CDCA4: variants seen among roughly 807,000 people sequenced by gnomAD.
CDCA4 encodes the protein cell division cycle-associated protein 4.
For missense variants in CDCA4, 294 were observed against 322.1 expected, an observed-to-expected ratio of 0.91 and a Z score of 0.67; for synonymous variants, 130 against 137.0, an observed-to-expected ratio of 0.95 and a Z score of 0.36.
At chr14:105,014,181 G>T (rs1030245279) in intron 1 of CDCA4, among the ~76,000 whole-genome samples, 1 of 151,982 alleles carries the variant, frequency 6.6e-6, no homozygotes, top group Non-Finnish European at 1.5e-5. Context: ...TTGGGGGTGA[G>T]GGCCCTTCTG....
chr14:105,011,209 T>G lies in CDCA4; in HGVS notation c.721A>C (p.Thr241Pro). ...LDHVVEILVE[T>P] ...TGAGCACTCAGGGCTCCTGCTCAGG[T>G]CTCCACCAGGATCTCCACCACGTGG... The change falls in exon 2 of 2, where the codon ACC (threonine) becomes CCC (proline). Residue 241 changes from threonine (T) to proline (P), a missense_variant. By Grantham distance (38) the Thr-to-Pro change is conservative (BLOSUM62 -1). Coordinates refer to ENST00000336219, the MANE Select transcript of CDCA4 (RefSeq NM_017955.4). The G allele has an allele frequency of 6.2e-7, 1 of 1,606,434 alleles. No individual in the cohort carries two copies. The highest frequency in any genetic ancestry group is 1.1e-5 in the South Asian group (1 of 90,130).
chr14:105,019,978 A>T (rs759451932), intron 1 of CDCA4, among the ~76,000 whole-genome samples: 1 of 152,202 alleles, frequency 6.6e-6, no homozygotes, highest in African/African-American at 2.4e-5. Flanking sequence ...CTCCTCTCAA[A>T]GTGCTGGGAG....
intron 1 of CDCA4, among the ~76,000 whole-genome samples, chr14:105,015,742 G>A (rs11628967): frequency 0.55 from 83,426 of 151,882 alleles, 25,472 homozygotes; most frequent in Middle Eastern, 0.72. Flanking sequence ...TCAGCTCACC[G>A]CAACCTCCGC....
At position 105,010,127 on chromosome 14, in the gene CDCA4, C is replaced by G. The variant is rs1900456788; in HGVS notation, c.*1077G>C. 6.6e-6 allele frequency: 1 copy of G among 152,632 alleles called. No individual in the cohort carries two copies. The highest frequency in any genetic ancestry group is 2.4e-5 in the African/African-American group (1 of 41,464). 9.5% of individuals were successfully genotyped at this position (152,632 alleles called of 1,614,324 possible). A position where few individuals can be genotyped will look rare whatever the true frequency, so the allele number is the denominator to read the frequency against. On this transcript the variant is annotated 3_prime_UTR_variant, in exon 2 of 2. Transcript: ENST00000336219. Reference sequence around the variant, plus strand: ...GCTGCAGGCACCCCCAGCTCACTCCCTGCCTGCGGCAGCACCCATGACACT... The same window carrying G: ...GCTGCAGGCACCCCCAGCTCACTCCGTGCCTGCGGCAGCACCCATGACACT...
At chr14:105,019,713 G>GTTTTT (rs143638553) in intron 1 of CDCA4, among the ~76,000 whole-genome samples, 155 of 151,672 alleles carry the variant, frequency 1.0e-3, no homozygotes, top group African/African-American at 3.6e-3. Context: ...TCAGGTATTT[G>GTTTTT]GTTTTTTTTG....
chr14:105,015,339 T>C (rs767943697), intron 1 of CDCA4, among the ~76,000 whole-genome samples: 3 of 50,314 alleles, frequency 6.0e-5, no homozygotes, highest in Admixed American at 2.4e-4. Context: ...ATCACCCTAA[T>C]AACATCTGCT....
At chr14:105,020,740 G>T (rs1886210227) in intron 1 of CDCA4, among the ~76,000 whole-genome samples, 1 of 151,792 alleles carries the variant, frequency 6.6e-6, no homozygotes, top group Non-Finnish European at 1.5e-5. Context: ...TCCGCGCTCC[G>T]CAAGGAACGC....
At chr14:105,017,351 T>G (rs1375882799) in intron 1 of CDCA4, among the ~76,000 whole-genome samples, 1 of 151,996 alleles carries the variant, frequency 6.6e-6, no homozygotes. Flanking sequence ...ACTTCCCGAG[T>G]AGCTGGGATT....
At chr14:105,020,019 G>T (rs137974789) in intron 1 of CDCA4, among the ~76,000 whole-genome samples, 2 of 152,154 alleles carry the variant, frequency 1.3e-5, no homozygotes, top group Admixed American at 1.3e-4. Flanking sequence ...CCAATTGCAG[G>T]TACTTTTGTT....
Position 105,011,813 on chromosome 14 carries a change from G to A in CDCA4, c.117C>T (p.Asp39=). 1 of 1,613,834 alleles carries A rather than the reference G, an allele frequency of 6.2e-7. No individual in the cohort carries two copies. Among genetic ancestry groups the A allele is most frequent in the African/African-American group, 1.3e-5 (1 of 75,068 alleles). Residue 39 remains aspartate (D), a synonymous_variant, in exon 2 of 2, where the codon GAC becomes GAT. Transcript: ENST00000336219. ...AAAGCTGCAACTTCACCAGAGACATGTCCAGGAGCGACTGCCGCTGCAGGC... is the reference window on the plus strand; with the variant it reads ...AAAGCTGCAACTTCACCAGAGACATATCCAGGAGCGACTGCCGCTGCAGGC... The part of the protein sequence containing the change: ...SYSLQRQSLL[D]MSLVKLQLCH...
At chr14:105,015,551 T>G (rs753451376) in intron 1 of CDCA4, among the ~76,000 whole-genome samples, 6 of 87,944 alleles carry the variant, frequency 6.8e-5, no homozygotes, top group Non-Finnish European at 1.8e-4. Flanking sequence ...ATCATTTCCA[T>G]AGCAAGCAGC....
At chr14:105,020,463 T>C (rs1355438267) in intron 1 of CDCA4, among the ~76,000 whole-genome samples, 1 of 152,182 alleles carries the variant, frequency 6.6e-6, no homozygotes, top group Non-Finnish European at 1.5e-5. Flanking sequence ...TCTGCAAGTG[T>C]CTCGGGGACT....
chr14:105,020,660 G>C (rs1441410414), intron 1 of CDCA4, among the ~76,000 whole-genome samples: 1 of 152,192 alleles, frequency 6.6e-6, no homozygotes, highest in Non-Finnish European at 1.5e-5. Context: ...ACGCCGCTGC[G>C]TACCCCAGCC....
At chr14:105,020,694 C>A (rs1298836461) in intron 1 of CDCA4, among the ~76,000 whole-genome samples, 2 of 152,168 alleles carry the variant, frequency 1.3e-5, no homozygotes, top group African/African-American at 4.8e-5. Flanking sequence ...GCGGCTCCCG[C>A]GTGGGGCCGC....
In CDCA4 at chr14:105,019,607, G is replaced by A. The variant is rs74090193; in HGVS notation, c.-7+1392C>T. 6.7e-3 allele frequency among the ~76,000 whole-genome samples: 1,017 copies of A among 152,380 alleles called. 17 individuals are homozygous for A. Among genetic ancestry groups the A allele is most frequent in the African/African-American group, 0.023 (965 of 41,594 alleles). ...TTTATCGGAAAAACAGGGAGAAGAG[G>A]AGCAAGGTCTGCAGTCTTGAGTACT... On this transcript the variant is annotated intron_variant, in intron 1 of 1. Coordinates refer to ENST00000336219, the MANE Select transcript of CDCA4 (RefSeq NM_017955.4).
intron 1 of CDCA4, among the ~76,000 whole-genome samples, chr14:105,014,218 C>T (rs1900584524): frequency 3.3e-5 from 5 of 152,146 alleles, no homozygotes; most frequent in Admixed American, 3.3e-4. Context: ...GTGGCCCTAC[C>T]CTGACTGCAC....
chr14:105,011,278 G>C lies in CDCA4; in HGVS notation c.652C>G (p.Pro218Ala), dbSNP rs1468140980. The change falls in exon 2 of 2, where the codon CCA becomes GCA. Residue 218 changes from proline (P) to alanine (A), a missense_variant. Pro to Ala is a conservative substitution (Grantham distance 27). Transcript: ENST00000336219. The stretch of plus-strand genomic sequence containing the variant: ...GACTTGCAGCTGGAGCTAGGGCCTG[G>C]GGTGGCCGGAGCCAAGCCCTCGAGC... Reference protein sequence around the residue: ...EGLEGLAPATPGPSSSCKSDL... With the variant: ...EGLEGLAPATAGPSSSCKSDL... 1.2e-6 allele frequency: 2 copies of C among 1,613,846 alleles called. No individual in the cohort carries two copies. The highest frequency in any genetic ancestry group is 1.7e-6 in the Non-Finnish European group (2 of 1,179,946).
intron 1 of CDCA4, among the ~76,000 whole-genome samples, chr14:105,020,398 C>A (rs551326309): frequency 1.3e-5 from 2 of 152,250 alleles, no homozygotes; most frequent in South Asian, 4.1e-4. Flanking sequence ...CCACGACGAT[C>A]CTGTTTGCGG....
At chr14:105,012,051 G>C in intron 1 of CDCA4, 116 bp from the exon 2 acceptor site, 2 of 1,221,048 alleles carry the variant, frequency 1.6e-6, no homozygotes, top group Non-Finnish European at 2.3e-6. Flanking sequence ...TCCGTAACTG[G>C]CAGGGACTTG....
Sources: gnomAD v4.1 joint callset for allele counts (sites outside exome capture counted in the v4.1 genomes callset) on GRCh38, gnomAD v4.1.1 for gene constraint, MANE v1.5 for transcripts, NCBI Gene and HGNC (gene_info 2026-07-23, HGNC 2026-07-21) for gene names.